The following ROR1 variants were observed in gnomAD, a reference collection of about 807,000 sequenced individuals.
The protein encoded by ROR1 is ROR family WNT receptor 1.
In ROR1, 19 loss-of-function variants were observed where a neutral mutation model predicts 78.8. The ratio of observed to expected loss-of-function variants is 0.24; its 90% CI spans 0.17 to 0.35. ROR1 has a LOEUF of 0.35. ROR1 is among the 10% of genes least tolerant of loss of function. ROR1 has a pLI of 1.00. For synonymous variants in ROR1, 386 were observed against 433.6 expected (o/e 0.89, Z 1.36); for missense variants, 917 against 1,177.8 (o/e 0.78, Z 3.24).
chr1:64,158,157 T>C (rs1379474620), intron 7 of ROR1, among the ~76,000 whole-genome samples: 1 of 152,224 alleles, frequency 6.6e-6, no homozygotes, highest in Non-Finnish European at 1.5e-5. Context: ...CTACACATAT[T>C]ATATTCTTTT....
rs143492005 is a variant in ROR1 at position 63,805,096 on chromosome 1, G to A, written c.91+30588G>A. ...TTCCTTTTCCTCTTTTGAAGATTCTGCTCCCCTGTAAGAAAAGTGCATGAT... is the reference window on the plus strand; with the variant it reads ...TTCCTTTTCCTCTTTTGAAGATTCTACTCCCCTGTAAGAAAAGTGCATGAT... On this transcript the variant is annotated intron_variant, in intron 1 of 8. Coordinates refer to ENST00000371079, the MANE Select transcript of ROR1 (RefSeq NM_005012.4). Among the ~76,000 whole-genome samples the A allele has an allele frequency of 2.0e-5, 3 of 152,322 alleles. No individual in the cohort carries two copies. The East Asian group carries it at 5.8e-4, about 29-fold the overall frequency.
At chr1:63,799,157 T>C (rs532549868) in intron 1 of ROR1, among the ~76,000 whole-genome samples, 4 of 152,252 alleles carry the variant, frequency 2.6e-5, no homozygotes, top group Non-Finnish European at 5.9e-5. Context: ...CTAGAGATAA[T>C]ACATGTAAAG....
In ROR1 at chr1:64,174,518, G is replaced by T. The variant is rs536921542; in HGVS notation, c.1387-2910G>T. Among the ~76,000 whole-genome samples, 36 of 152,186 alleles carry T rather than the reference G, an allele frequency of 2.4e-4. 1 individual carries two copies. The highest frequency in any genetic ancestry group is 1.9e-3 in the Admixed American group (29 of 15,286). On this transcript the variant is annotated intron_variant, in intron 8 of 8. Transcript: ENST00000371079. ...GCAGTGAAGGAGGAGAGGGTATTGGGTTTCTAACTCCTCATTATACCAGCC... is the reference window on the plus strand; with the variant it reads ...GCAGTGAAGGAGGAGAGGGTATTGGTTTTCTAACTCCTCATTATACCAGCC...
intron 1 of ROR1, among the ~76,000 whole-genome samples, chr1:63,868,893 C>T (rs1181950538): frequency 6.6e-6 from 1 of 152,200 alleles, no homozygotes; most frequent in African/African-American, 2.4e-5. Flanking sequence ...CAAATAGGCA[C>T]TTATTTTGCA....
chr1:63,950,169 G>A (rs969954074), intron 1 of ROR1, among the ~76,000 whole-genome samples: 1 of 152,176 alleles, frequency 6.6e-6, no homozygotes, highest in African/African-American at 2.4e-5. Flanking sequence ...TCTTGCGCAA[G>A]ACAGAATTCG....
rs557672271 is a variant in ROR1 at position 64,176,627 on chromosome 1, C to T, written c.1387-801C>T. Reference sequence around the variant, plus strand: ...TGCTTTGTGTATGTGGTGGCATTCACAGTAAAGGCAAAAGAGTCTAGCAAA... The same window carrying T: ...TGCTTTGTGTATGTGGTGGCATTCATAGTAAAGGCAAAAGAGTCTAGCAAA... On this transcript the variant is annotated intron_variant, in intron 8 of 8. Transcript: ENST00000371079. Among the ~76,000 whole-genome samples the T allele has an allele frequency of 6.6e-5, 10 of 152,276 alleles. No homozygotes were observed. In the South Asian group the frequency reaches 1.7e-3, roughly 25 times the overall value.
chr1:64,007,938 G>T (rs1224023811), intron 1 of ROR1, among the ~76,000 whole-genome samples: 1 of 140,692 alleles, frequency 7.1e-6, no homozygotes, highest in Non-Finnish European at 1.5e-5. Flanking sequence ...TAGGGGCGAG[G>T]TGTATTTTGC....
At chr1:63,941,230 A>T (rs1397175934) in intron 1 of ROR1, among the ~76,000 whole-genome samples, 1 of 152,194 alleles carries the variant, frequency 6.6e-6, no homozygotes, top group Non-Finnish European at 1.5e-5. Flanking sequence ...GATATATATA[A>T]ATATTATACA....
At chr1:64,054,792 G>A (rs1019040042) in intron 4 of ROR1, among the ~76,000 whole-genome samples, 2 of 152,138 alleles carry the variant, frequency 1.3e-5, no homozygotes, top group Non-Finnish European at 2.9e-5. Context: ...TAGAAATTTA[G>A]TATCTCATAG....
chr1:64,005,399 T>G (rs76291853), intron 1 of ROR1, among the ~76,000 whole-genome samples: 155 of 152,388 alleles, frequency 1.0e-3, no homozygotes, highest in African/African-American at 3.7e-3. Flanking sequence ...TGTTAAAATC[T>G]GGTGTGTATT....
At chr1:64,060,948 T>C (rs1024717650) in intron 4 of ROR1, among the ~76,000 whole-genome samples, 1 of 152,202 alleles carries the variant, frequency 6.6e-6, no homozygotes, top group African/African-American at 2.4e-5. Context: ...CTTGTGAATA[T>C]TGGCAAGGGG....
intron 4 of ROR1, among the ~76,000 whole-genome samples, chr1:64,098,356 T>C (rs1647382988): frequency 6.6e-6 from 1 of 152,076 alleles, no homozygotes; most frequent in African/African-American, 2.4e-5. Flanking sequence ...TACCACAAGG[T>C]CTTCATTTGT....
chr1:64,056,477 C>A (rs756311176), intron 4 of ROR1, among the ~76,000 whole-genome samples: 3 of 151,754 alleles, frequency 2.0e-5, no homozygotes, highest in Non-Finnish European at 4.4e-5. Flanking sequence ...GAGTTTGAGA[C>A]CAGCCTGGCC....
At chr1:64,079,452 A>C (rs834343) in intron 4 of ROR1, among the ~76,000 whole-genome samples, 55,064 of 150,474 alleles carry the variant, frequency 0.37, 13,272 homozygotes, top group African/African-American at 0.69. Context: ...CTGTCTGAGC[A>C]AGAGAATCTT....
At chr1:64,110,076 C>A (rs1291218552) in intron 4 of ROR1, among the ~76,000 whole-genome samples, 1 of 152,152 alleles carries the variant, frequency 6.6e-6, no homozygotes, top group Non-Finnish European at 1.5e-5. Flanking sequence ...ATAGCACTAT[C>A]TGTTCCATGA....
At chr1:64,105,973 G>T (rs1047990328) in intron 4 of ROR1, 1 of 151,814 alleles carries the variant, frequency 6.6e-6, no homozygotes, top group East Asian at 1.9e-4. Context: ...ATTTAAAGTA[G>T]TTTTTTTTCT....
chr1:63,897,614 C>T (rs951070733), intron 1 of ROR1, among the ~76,000 whole-genome samples: 2 of 152,112 alleles, frequency 1.3e-5, no homozygotes, highest in Non-Finnish European at 2.9e-5. Context: ...TTTTTGAACA[C>T]CTACTGTGGA....
intron 1 of ROR1, among the ~76,000 whole-genome samples, chr1:63,792,698 ATTC>A (rs561653497): frequency 8.7e-4 from 133 of 152,372 alleles, no homozygotes; most frequent in African/African-American, 2.9e-3. Context: ...ATATCACTTT[ATTC>A]TTCTTCTTAT....
intron 1 of ROR1, among the ~76,000 whole-genome samples, chr1:63,871,355 G>A (rs1260821133): frequency 6.6e-6 from 1 of 152,204 alleles, no homozygotes; most frequent in Non-Finnish European, 1.5e-5. Context: ...GAGGAAGTTA[G>A]CAAGTGCTTC....
Sources: gnomAD v4.1 joint callset for allele counts (sites outside exome capture counted in the v4.1 genomes callset) on GRCh38, gnomAD v4.1.1 for gene constraint, MANE v1.5 for transcripts, NCBI Gene and HGNC (gene_info 2026-07-23, HGNC 2026-07-21) for gene names.